Variants in TMEM245 observed in about 807,000 individuals in gnomAD.
The protein encoded by TMEM245 is transmembrane protein 245, also known as protein CG-2.
A neutral mutation model predicts 101.2 loss-of-function variants in TMEM245; 69 were observed. The observed-to-expected ratio is 0.68, with a 90% CI of 0.56 to 0.83. The LOEUF (loss-of-function observed/expected upper bound fraction) is 0.83. Among genes scored for constraint, TMEM245 ranks in the 40% least tolerant of loss-of-function variants. The pLI is 0.00. For synonymous variants in TMEM245, 537 were observed against 449.8 expected, an observed-to-expected ratio of 1.19 and a Z score of -2.45; for missense variants, 1,075 against 1,092.8, an observed-to-expected ratio of 0.98 and a Z score of 0.23.
intron 9 of TMEM245, among the ~76,000 whole-genome samples, chr9:109,071,266 C>T (rs1181986189): frequency 1.3e-5 from 2 of 151,468 alleles, no homozygotes; most frequent in Non-Finnish European, 2.9e-5. Context: ...TATTCCACTG[C>T]ATAAATATAC....
At chr9:109,057,073 G>A (rs1373086405) in intron 12 of TMEM245, 118 bp downstream of exon 12, 8 of 1,128,920 alleles carry the variant, frequency 7.1e-6, no homozygotes, top group Non-Finnish European at 9.9e-6. Context: ...TCTCAAATAT[G>A]TAAATGTCAT....
chr9:109,073,051 C>T (rs1437096825), intron 9 of TMEM245, among the ~76,000 whole-genome samples: 1 of 152,170 alleles, frequency 6.6e-6, no homozygotes, highest in Admixed American at 6.5e-5. Context: ...CTATCTCACA[C>T]AGTCACTGTG....
chr9:109,075,025 T>A lies in TMEM245; in HGVS notation c.1450-1587A>T, dbSNP rs376416113. Among the ~76,000 whole-genome samples, 325 of 152,306 alleles carry A rather than the reference T, an allele frequency of 2.1e-3. 17 individuals are homozygous for A. The South Asian group carries it at 0.061, about 29-fold the overall frequency. Reference sequence around the variant, plus strand: ...GAGGGCTGTAAGCTAAGGGACATAATCTTACTTAGATGTTTAAAGTAAGTT... The same window carrying A: ...GAGGGCTGTAAGCTAAGGGACATAAACTTACTTAGATGTTTAAAGTAAGTT... On this transcript the variant is annotated intron_variant, in intron 8 of 17. Transcript: ENST00000374586.
chr9:109,064,438 C>T (rs1588045799), intron 10 of TMEM245, 39 bp downstream of exon 10: 5 of 1,585,336 alleles, frequency 3.2e-6, no homozygotes, highest in Non-Finnish European at 4.3e-6. Flanking sequence ...AGTAAAGACC[C>T]TGAAAAGAGA....
At chr9:109,049,938 T>C (rs1588034083) in intron 14 of TMEM245, among the ~76,000 whole-genome samples, 1 of 152,170 alleles carries the variant, frequency 6.6e-6, no homozygotes, top group African/African-American at 2.4e-5. Context: ...TACAGGTGCA[T>C]GCCACCAAGC....
At position 109,092,860 on chromosome 9, in the gene TMEM245, G is replaced by C. The variant is rs188720418; in HGVS notation, c.916+615C>G. On this transcript the variant is annotated intron_variant, in intron 4 of 17. Transcript: ENST00000374586. ...GCAATTCCCAAAGCCAGGCCACACA[G>C]GACAACGAGTCCAAAACAACCAGAG... 2.4e-3 allele frequency among the ~76,000 whole-genome samples: 360 copies of C among 152,244 alleles called. 7 individuals are homozygous for C. The Middle Eastern group carries it at 0.027, about 12-fold the overall frequency.
chr9:109,103,334 T>G (rs868448149), intron 3 of TMEM245, among the ~76,000 whole-genome samples: 4 of 152,000 alleles, frequency 2.6e-5, no homozygotes, highest in Admixed American at 1.3e-4. Flanking sequence ...AAAGGAAAAT[T>G]AAGAAAACAA....
At chr9:109,034,129 C>A (rs1828049807) in intron 16 of TMEM245, among the ~76,000 whole-genome samples, 1 of 152,158 alleles carries the variant, frequency 6.6e-6, no homozygotes, top group Non-Finnish European at 1.5e-5. Context: ...AAACAGAACA[C>A]AGTAGCATAG....
intron 16 of TMEM245, 52 bp from the exon 17 acceptor site, chr9:109,033,553 A>C: frequency 6.7e-7 from 1 of 1,501,062 alleles, no homozygotes; most frequent in Non-Finnish European, 8.9e-7. Context: ...AAAATCTGAA[A>C]TACATTTCTA....
intron 15 of TMEM245, among the ~76,000 whole-genome samples, chr9:109,036,703 A>G (rs190701481): frequency 6.6e-6 from 1 of 152,342 alleles, no homozygotes; most frequent in Admixed American, 6.5e-5. Flanking sequence ...ATACACCTAC[A>G]GAACATGTGT....
At chr9:109,021,813 C>T (rs1201074760) in intron 17 of TMEM245, among the ~76,000 whole-genome samples, 1 of 151,680 alleles carries the variant, frequency 6.6e-6, no homozygotes, top group East Asian at 1.9e-4. Flanking sequence ...ACCACCACCA[C>T]CCCCCCAAAA....
intron 11 of TMEM245, among the ~76,000 whole-genome samples, chr9:109,058,716 G>A (rs1368570734): frequency 6.6e-6 from 1 of 152,006 alleles, no homozygotes; most frequent in South Asian, 2.1e-4. Context: ...GAGCTTCAGT[G>A]ATCCTCCCGC....
At chr9:109,087,461 G>C in intron 5 of TMEM245, 119 bp from the exon 6 acceptor site, 1 of 1,045,114 alleles carries the variant, frequency 9.6e-7, no homozygotes, top group Non-Finnish European at 1.3e-6. Context: ...TTAAAAAGAA[G>C]ATCAATGTTA....
In TMEM245 at chr9:109,097,938, T is replaced by C. The variant is rs571601872; in HGVS notation, c.800-4347A>G. On this transcript the variant is annotated intron_variant, in intron 3 of 17. Transcript: ENST00000374586. ...CGTCTTGAAAAATAAATAAATAAAGTTTAGAACAATGCTGGGTATGTAGGA... is the reference window on the plus strand; with the variant it reads ...CGTCTTGAAAAATAAATAAATAAAGCTTAGAACAATGCTGGGTATGTAGGA... Among the ~76,000 whole-genome samples the C allele has an allele frequency of 2.6e-5, 4 of 152,140 alleles. No homozygotes were observed. The East Asian group carries it at 7.7e-4, about 29-fold the overall frequency.
chr9:109,063,521 T>A lies in TMEM245; in HGVS notation c.1623+956A>T, dbSNP rs140357892. ...GGAATCACATACTAATATATTTTTC[T>A]AGGCACAAGTCTTACTGCAACAAAT... On this transcript the variant is annotated intron_variant, in intron 10 of 17. Coordinates refer to ENST00000374586, the MANE Select transcript of TMEM245 (RefSeq NM_032012.4). Among the ~76,000 whole-genome samples, 712 of 152,340 alleles carry A rather than the reference T, an allele frequency of 4.7e-3. 5 individuals carry two copies. The highest frequency in any genetic ancestry group is 0.016 in the African/African-American group (685 of 41,574).
intron 9 of TMEM245, among the ~76,000 whole-genome samples, chr9:109,067,973 A>G (rs116954146): frequency 0.01 from 1,538 of 152,234 alleles, 11 homozygotes; most frequent in Non-Finnish European, 0.013. Context: ...AACCATTATC[A>G]TTATTTCATG....
chr9:109,103,072 C>T (rs1242296326), intron 3 of TMEM245, among the ~76,000 whole-genome samples: 1 of 152,220 alleles, frequency 6.6e-6, no homozygotes, highest in Non-Finnish European at 1.5e-5. Flanking sequence ...TTTAAAAGCA[C>T]ATGGTCTATT....
At position 109,064,560 on chromosome 9, in the gene TMEM245, G is replaced by A. The variant is rs777443115; in HGVS notation, c.1540C>T (p.Pro514Ser). 22 of 1,613,264 alleles carry A rather than the reference G, an allele frequency of 1.4e-5. No individual in the cohort carries two copies. Among genetic ancestry groups the A allele is most frequent in the Non-Finnish European group, 1.9e-5 (22 of 1,179,626 alleles). Residue 514 changes from proline (P) to serine (S), a missense_variant, in exon 10 of 18, where the codon CCT becomes TCT. By Grantham distance (74) the Pro-to-Ser change is moderately conservative. Coordinates refer to ENST00000374586, the MANE Select transcript of TMEM245 (RefSeq NM_032012.4). ...ANHPEWANWLPEAQVVQRALN... is the reference protein window; with the variant it reads ...ANHPEWANWLSEAQVVQRALN... The stretch of plus-strand genomic sequence containing the variant: ...GCTCTTTGGACTACCTGAGCCTCAG[G>A]AAGCCAACTAATGTAAAACAAAGAA...
intron 10 of TMEM245, among the ~76,000 whole-genome samples, chr9:109,062,529 A>T (rs1347303366): frequency 6.6e-6 from 1 of 152,254 alleles, no homozygotes; most frequent in Non-Finnish European, 1.5e-5. Context: ...AGTTTACAAC[A>T]TCTATTTCCT....
Sources: gnomAD v4.1 joint callset for allele counts (sites outside exome capture counted in the v4.1 genomes callset) on GRCh38, gnomAD v4.1.1 for gene constraint, MANE v1.5 for transcripts, NCBI Gene and HGNC (gene_info 2026-07-23, HGNC 2026-07-21) for gene names.